The following PHC1 variants were observed in gnomAD, a reference collection of about 807,000 sequenced individuals.
PHC1 encodes the protein polyhomeotic-like protein 1.
Under a neutral mutation model 104.3 loss-of-function variants are expected in PHC1, and 12 were observed. That is an observed-to-expected ratio of 0.12 (90% confidence interval 0.07 to 0.19). The LOEUF is 0.19. PHC1 is among the 10% of genes least tolerant of loss of function. The probability of loss-of-function intolerance (pLI) is 1.00; values close to 1 mark genes in which losing one functional copy is unlikely to be tolerated. For missense variants in PHC1, 671 were observed against 1,200.0 expected, an observed-to-expected ratio of 0.56 and a Z score of 6.51; for synonymous variants, 302 against 455.8, an observed-to-expected ratio of 0.66 and a Z score of 4.30.
intron 8 of PHC1, 180 bp downstream of exon 8, chr12:8,933,530 AT>A (rs1945750778): frequency 5.7e-6 from 5 of 878,354 alleles, no homozygotes; most frequent in Non-Finnish European, 8.3e-6. Context: ...ATACTCCTAA[AT>A]TTGTTGCTGA....
intron 8 of PHC1, 95 bp downstream of exon 8, chr12:8,933,445 A>G: frequency 3.7e-6 from 5 of 1,365,922 alleles, no homozygotes; most frequent in Non-Finnish European, 4.9e-6. Flanking sequence ...GGGAATAAAG[A>G]GTTAAGAGGG....
At position 8,930,502 on chromosome 12, in the gene PHC1, A is replaced by T. The variant is rs2137103884; in HGVS notation, c.680A>T (p.Gln227Leu). 6.4e-7 allele frequency: 1 copy of T among 1,556,738 alleles called. No homozygotes were observed. The highest frequency in any genetic ancestry group is 8.7e-7 in the Non-Finnish European group (1 of 1,150,156). Residue 227 changes from glutamine (Q) to leucine (L), a missense_variant, in exon 7 of 15, where the codon CAG becomes CTG. Gln to Leu is a moderately radical substitution (Grantham distance 113). Transcript: ENST00000544916. ...GGACCTCAGATGCAAGGCTCCACTC[A>T]GAAGGCCATTCCTCCAGGAGCCTCC... is the stretch of plus-strand genomic sequence containing the variant. The part of the protein sequence containing the change: ...AQGPQMQGST[Q>L]KAIPPGASPV...
chr12:8,916,220 G>GA (rs1276494049), intron 1 of PHC1, among the ~76,000 whole-genome samples: 1 of 152,046 alleles, frequency 6.6e-6, no homozygotes, highest in South Asian at 2.1e-4. Context: ...CTAAAGACTG[G>GA]GGGGGGATAA....
Position 8,932,566 on chromosome 12 carries a change from C to T in PHC1, c.1109C>T (p.Thr370Ile). 1 of 1,613,910 alleles carries T rather than the reference C, an allele frequency of 6.2e-7. No homozygotes were observed. The highest frequency in any genetic ancestry group is 8.5e-7 in the Non-Finnish European group (1 of 1,179,804). ...APSQTLISSA[T>I]YTQIQPHSLI... ...TATTCTGGGATTGTTCCTATAGCCA[C>T]CTACACACAGATCCAGCCCCATTCA... is the stretch of plus-strand genomic sequence containing the variant. Residue 370 changes from threonine to isoleucine, a missense_variant, in exon 8 of 15, where the codon ACC becomes ATC. By Grantham distance (89) the Thr-to-Ile change is moderately conservative. Coordinates refer to ENST00000544916, the MANE Select transcript of PHC1 (RefSeq NM_004426.3).
At chr12:8,927,047 C>G (rs961837959) in intron 6 of PHC1, among the ~76,000 whole-genome samples, 39 of 152,044 alleles carry the variant, frequency 2.6e-4, no homozygotes, top group Admixed American at 2.0e-4. Flanking sequence ...CTGACAGAGG[C>G]GAATGGGAAA....
At chr12:8,914,051 T>G (rs1016727027), upstream of PHC1, 7 of 152,854 alleles carry the variant, frequency 4.6e-5, no homozygotes, top group African/African-American at 1.7e-4. Flanking sequence ...TTTCCCAGTC[T>G]ATCGTTTCTC....
chr12:8,917,806 T>C lies in PHC1; in HGVS notation c.114+15T>C, dbSNP rs1188140121. The C allele has an allele frequency of 6.9e-6, 9 of 1,312,814 alleles. No homozygotes were observed. Among genetic ancestry groups the C allele is most frequent in the Non-Finnish European group, 9.7e-6 (9 of 925,952 alleles). 81.3% of individuals were successfully genotyped at this position (1,312,814 alleles called of 1,614,324 possible). Reference sequence around the variant, plus strand: ...AAGCAGTGCAGGTGAGACTCAGCTCTGAGGGGCCATGGTCTGTGAGTCTTG... The same window carrying C: ...AAGCAGTGCAGGTGAGACTCAGCTCCGAGGGGCCATGGTCTGTGAGTCTTG... On this transcript the variant is annotated intron_variant, in intron 2 of 14. Coordinates refer to ENST00000544916, the MANE Select transcript of PHC1 (RefSeq NM_004426.3).
chr12:8,918,009 C>T (rs1019703643), intron 2 of PHC1, among the ~76,000 whole-genome samples: 1 of 152,178 alleles, frequency 6.6e-6, no homozygotes, highest in Non-Finnish European at 1.5e-5. Flanking sequence ...ATTTAAAAAA[C>T]ACATTCAGTC....
At chr12:8,923,629 C>A (rs911995521) in intron 6 of PHC1, among the ~76,000 whole-genome samples, 1 of 151,828 alleles carries the variant, frequency 6.6e-6, no homozygotes, top group Non-Finnish European at 1.5e-5. Flanking sequence ...GAGATCGAGA[C>A]CATCCTGGCT....
chr12:8,922,104 G>A (rs943083044), intron 5 of PHC1, among the ~76,000 whole-genome samples: 2 of 152,128 alleles, frequency 1.3e-5, no homozygotes, highest in Non-Finnish European at 2.9e-5. Flanking sequence ...GTGAACCACC[G>A]CGCCCGGCCA....
chr12:8,921,507 G>C, intron 4 of PHC1, 94 bp from the exon 5 acceptor site: 1 of 1,119,690 alleles, frequency 8.9e-7, no homozygotes, highest in Non-Finnish European at 1.3e-6. Context: ...GAAATACTCT[G>C]TTCTTGACTG....
At chr12:8,927,764 A>C (rs1945557651) in intron 6 of PHC1, among the ~76,000 whole-genome samples, 1 of 152,126 alleles carries the variant, frequency 6.6e-6, no homozygotes, top group African/African-American at 2.4e-5. Context: ...AATCCTGATG[A>C]TTCTTGTCAA....
chr12:8,924,628 T>C (rs1945465005), intron 6 of PHC1, among the ~76,000 whole-genome samples: 1 of 152,148 alleles, frequency 6.6e-6, no homozygotes, highest in Non-Finnish European at 1.5e-5. Context: ...AGAAGAAAAC[T>C]AGAGAGAGAA....
Position 8,914,579 on chromosome 12 carries a change from G to A in PHC1, c.-297G>A, listed in dbSNP as rs766573912. ...GGGCAGGAAGTGACAGGCCCGGAGC[G>A]AGCCCCGGAGGCCTGGCTGAGCCGC... is the stretch of plus-strand genomic sequence containing the variant. On this transcript the variant is annotated 5_prime_UTR_variant, in exon 1 of 15. Transcript: ENST00000544916. 2.6e-5 allele frequency: 4 copies of A among 151,182 alleles called. No homozygotes were observed. Among genetic ancestry groups the A allele is most frequent in the Admixed American group, 1.3e-4 (2 of 15,194 alleles). 9.4% of individuals were successfully genotyped at this position (151,182 alleles called of 1,614,324 possible). A position where few individuals can be genotyped will look rare whatever the true frequency, so the allele number is the denominator to read the frequency against.
chr12:8,916,340 C>T (rs1945199553), intron 1 of PHC1, among the ~76,000 whole-genome samples: 1 of 152,032 alleles, frequency 6.6e-6, no homozygotes, highest in Non-Finnish European at 1.5e-5. Flanking sequence ...GGATGCAATC[C>T]CTAAGACCAG....
chr12:8,916,743 G>A (rs2137050105), intron 1 of PHC1, among the ~76,000 whole-genome samples: 3 of 152,052 alleles, frequency 2.0e-5, no homozygotes, highest in Middle Eastern at 6.8e-3. Flanking sequence ...TTCATACTCC[G>A]GAGTCATTTC....
intron 3 of PHC1, among the ~76,000 whole-genome samples, chr12:8,920,417 T>C (rs1945328255): frequency 6.6e-6 from 1 of 152,224 alleles, no homozygotes; most frequent in Non-Finnish European, 1.5e-5. Flanking sequence ...GACCAAAAGA[T>C]CTTTTTCTAG....
intron 6 of PHC1, among the ~76,000 whole-genome samples, chr12:8,926,174 G>T (rs1310590408): frequency 6.6e-6 from 1 of 152,154 alleles, no homozygotes. Flanking sequence ...CCATCCATGA[G>T]GAGATACTGA....
intron 12 of PHC1, 99 bp downstream of exon 12, chr12:8,937,063 C>T: frequency 7.1e-7 from 1 of 1,398,656 alleles, no homozygotes; most frequent in Non-Finnish European, 1.0e-6. Flanking sequence ...TTTTATGTCT[C>T]CCTCCTTGCT....
Sources: gnomAD v4.1 joint callset for allele counts (sites outside exome capture counted in the v4.1 genomes callset) on GRCh38, gnomAD v4.1.1 for gene constraint, MANE v1.5 for transcripts, NCBI Gene and HGNC (gene_info 2026-07-23, HGNC 2026-07-21) for gene names.